Variants in PALS2 observed in about 807,000 individuals in gnomAD.
The protein encoded by PALS2 is protein PALS2.
A neutral mutation model predicts 61.6 loss-of-function variants in PALS2; 27 were observed. That is an observed-to-expected ratio of 0.44 (90% confidence interval 0.32 to 0.60). The LOEUF is 0.60. Among genes scored for constraint, PALS2 ranks in the 20% least tolerant of loss-of-function variants. PALS2 has a pLI of 0.05. For synonymous variants in PALS2, 236 were observed against 218.6 expected, an observed-to-expected ratio of 1.08 and a Z score of -0.70; for missense variants, 554 against 639.4, an observed-to-expected ratio of 0.87 and a Z score of 1.44.
At position 24,690,290 on chromosome 7, in the gene PALS2, C is replaced by G. The variant is rs1411900209; in HGVS notation, c.*2676C>G. ...AAACAGCCCCAGAGGTCCCAGGGTTCTTCCTAGGTAATGAGAGTATAGCTG... is the reference window on the plus strand; with the variant it reads ...AAACAGCCCCAGAGGTCCCAGGGTTGTTCCTAGGTAATGAGAGTATAGCTG... On this transcript the variant is annotated 3_prime_UTR_variant, in exon 12 of 12. Transcript: ENST00000222644. 3 of 152,204 alleles carry G rather than the reference C, an allele frequency of 2.0e-5. No individual in the cohort carries two copies. The highest frequency in any genetic ancestry group is 4.4e-5 in the Non-Finnish European group (3 of 68,040). The allele number at this position is 152,204 out of a possible 1,614,324, so 9.4% of individuals were successfully genotyped here. A position where few individuals can be genotyped will look rare whatever the true frequency, so the allele number is the denominator to read the frequency against.
intron 2 of PALS2, among the ~76,000 whole-genome samples, chr7:24,634,326 G>T (rs1435244285): frequency 1.3e-5 from 2 of 152,174 alleles, no homozygotes; most frequent in Admixed American, 1.3e-4. Context: ...TGCCTTCTGG[G>T]TTCATGCCAT....
intron 11 of PALS2, among the ~76,000 whole-genome samples, chr7:24,686,125 G>A (rs1212026784): frequency 6.6e-6 from 1 of 152,128 alleles, no homozygotes; most frequent in Non-Finnish European, 1.5e-5. Context: ...AAACCTAAGA[G>A]CAATTCTTGA....
chr7:24,651,599 G>A (rs79782972), intron 5 of PALS2, among the ~76,000 whole-genome samples: 10,402 of 152,190 alleles, frequency 0.068, 430 homozygotes, highest in African/African-American at 0.11. Flanking sequence ...AAATGGAACC[G>A]TAAAGAAAGA....
intron 1 of PALS2, among the ~76,000 whole-genome samples, chr7:24,588,916 C>G (rs938573569): frequency 3.9e-5 from 6 of 152,132 alleles, no homozygotes; most frequent in Non-Finnish European, 8.8e-5. Context: ...CTTATCCCAC[C>G]TCCATTTGAT....
chr7:24,619,341 GTGAT>G (rs997641631), intron 1 of PALS2, among the ~76,000 whole-genome samples: 2 of 152,138 alleles, frequency 1.3e-5, no homozygotes, highest in African/African-American at 4.8e-5. Context: ...GTTTTCATAA[GTGAT>G]TGGTGATTCA....
intron 2 of PALS2, among the ~76,000 whole-genome samples, chr7:24,626,623 C>T (rs978695291): frequency 6.6e-6 from 1 of 152,074 alleles, no homozygotes; most frequent in African/African-American, 2.4e-5. Flanking sequence ...CTGCTGTATT[C>T]AGGAGACACA....
chr7:24,669,244 A>G (rs1318940074), intron 9 of PALS2, among the ~76,000 whole-genome samples: 1 of 152,160 alleles, frequency 6.6e-6, no homozygotes, highest in Non-Finnish European at 1.5e-5. Flanking sequence ...TGAACCAAGC[A>G]CTCATTTTAT....
intron 1 of PALS2, among the ~76,000 whole-genome samples, chr7:24,594,956 A>G (rs1340560368): frequency 6.6e-6 from 1 of 152,162 alleles, no homozygotes; most frequent in African/African-American, 2.4e-5. Flanking sequence ...TGGCTTCAAT[A>G]GACTTGATCA....
chr7:24,645,722 A>C (rs1785798178), intron 3 of PALS2, among the ~76,000 whole-genome samples: 1 of 152,094 alleles, frequency 6.6e-6, no homozygotes, highest in Non-Finnish European at 1.5e-5. Context: ...TAGCCATTTT[A>C]ATAATATTGG....
At position 24,687,829 on chromosome 7, in the gene PALS2, TTGTA is replaced by T. The variant is rs149778153; in HGVS notation, c.*218_*221del. 1,214 of 387,650 alleles carry T rather than the reference TTGTA, an allele frequency of 3.1e-3. 11 individuals are homozygous for T. Among genetic ancestry groups the T allele is most frequent in the African/African-American group, 0.022 (1,079 of 48,076 alleles). 24.0% of individuals were successfully genotyped at this position (387,650 alleles called of 1,614,324 possible). ...ATAATTTATCTTAATTTTTCTAACT[TTGTA>T]TGGATAATCTTTCTATTCATATCAC... On this transcript the variant is annotated 3_prime_UTR_variant, in exon 12 of 12. Coordinates refer to ENST00000222644, the MANE Select transcript of PALS2 (RefSeq NM_001303037.2). The surrounding 1 kb of genome is among the most constrained non-coding windows in gnomAD (Gnocchi z 4.5).
At chr7:24,682,931 A>C (rs1788009354) in intron 11 of PALS2, among the ~76,000 whole-genome samples, 1 of 152,152 alleles carries the variant, frequency 6.6e-6, no homozygotes, top group South Asian at 2.1e-4. Flanking sequence ...TTGGTCAGAC[A>C]CAGATTCAGG....
At chr7:24,648,289 CTTTTTT>C (rs1265008724) in intron 3 of PALS2, among the ~76,000 whole-genome samples, 1 of 118,774 alleles carries the variant, frequency 8.4e-6, no homozygotes, top group African/African-American at 3.1e-5. Flanking sequence ...AAAAATTATT[CTTTTTT>C]TTTTTTTTTT....
rs1782527201 is a variant in PALS2 at position 24,573,562 on chromosome 7, CGGCGGCGCGGAGGCGGCTGA to C, written c.-31_-12del. 1 of 385,678 alleles carries C rather than the reference CGGCGGCGCGGAGGCGGCTGA, an allele frequency of 2.6e-6. No individual in the cohort carries two copies. Among genetic ancestry groups the C allele is most frequent in the East Asian group, 3.7e-5 (1 of 27,188 alleles). The allele number at this position is 385,678 out of a possible 1,614,324, so 23.9% of individuals were successfully genotyped here. Reference sequence around the variant, plus strand: ...GGGGAGCGACCGGGAGCGGCGGCAGCGGCGGCGCGGAGGCGGCTGAGGTGCGAGCCGGTGAGTTAACTGGA... The same window carrying C: ...GGGGAGCGACCGGGAGCGGCGGCAGCGGTGCGAGCCGGTGAGTTAACTGGA... On this transcript the variant is annotated 5_prime_UTR_variant, in exon 1 of 12. Transcript: ENST00000222644. The surrounding 1 kb of genome is among the most constrained non-coding windows in gnomAD (Gnocchi z 5.3).
Position 24,687,601 on chromosome 7 carries a change from G to A in PALS2, c.1610G>A (p.Ser537Asn), listed in dbSNP as rs142149525. 3 of 1,605,918 alleles carry A rather than the reference G, an allele frequency of 1.9e-6. No homozygotes were observed. The East Asian group carries it at 6.7e-5, about 36-fold the overall frequency. ...ATGGAACCACAGTGGGTCCCAATCA[G>A]CTGGGTTTACTGATGATTCAGTAAG... Reference protein sequence around the residue: ...LRMEPQWVPISWVY With the variant: ...LRMEPQWVPINWVY Residue 537 changes from serine to asparagine, a missense_variant, in exon 12 of 12, where the codon AGC (serine) becomes AAC (asparagine). Coordinates refer to ENST00000222644, the MANE Select transcript of PALS2 (RefSeq NM_001303037.2). The surrounding 1 kb of genome is among the most constrained non-coding windows in gnomAD (Gnocchi z 4.5).
intron 5 of PALS2, among the ~76,000 whole-genome samples, chr7:24,652,656 A>G (rs1450296305): frequency 2.0e-5 from 3 of 152,108 alleles, no homozygotes; most frequent in Non-Finnish European, 4.4e-5. Flanking sequence ...AAACCAGGGC[A>G]TCTGCAAACC....
rs377238053 is a variant in PALS2 at position 24,662,966 on chromosome 7, T to C, written c.652-624T>C. Among the ~76,000 whole-genome samples, 15 of 152,274 alleles carry C rather than the reference T, an allele frequency of 9.9e-5. 1 individual carries two copies. Among genetic ancestry groups the C allele is most frequent in the Admixed American group, 7.2e-4 (11 of 15,288 alleles). ...ATTAATAATGCAAATGTAAAAGAAA[T>C]GTGTATACACAAATGAATTTAAAAT... is the stretch of plus-strand genomic sequence containing the variant. On this transcript the variant is annotated intron_variant, in intron 5 of 11. Coordinates refer to ENST00000222644, the MANE Select transcript of PALS2 (RefSeq NM_001303037.2).
At chr7:24,677,192 G>A (rs950343360) in intron 9 of PALS2, among the ~76,000 whole-genome samples, 9 of 152,160 alleles carry the variant, frequency 5.9e-5, no homozygotes, top group African/African-American at 1.9e-4. Flanking sequence ...TGGTGTATAA[G>A]AATGCTTGTG....
intron 2 of PALS2, among the ~76,000 whole-genome samples, chr7:24,640,783 T>C (rs2711133): frequency 0.63 from 95,636 of 151,076 alleles, 32,770 homozygotes; most frequent in East Asian, 0.99. Context: ...CCGAGGCGGG[T>C]GGATCACGAG....
chr7:24,617,925 G>C (rs954590390), intron 1 of PALS2, among the ~76,000 whole-genome samples: 1 of 152,182 alleles, frequency 6.6e-6, no homozygotes, highest in Non-Finnish European at 1.5e-5. Context: ...GCAGCCACTC[G>C]GCCAGTCTAG....
Sources: allele counts gnomAD v4.1 joint callset (sites outside exome capture counted in the v4.1 genomes callset), GRCh38; gene constraint gnomAD v4.1.1; non-coding constraint Gnocchi (gnomAD v3.1); transcripts MANE v1.5; gene names NCBI Gene and HGNC (gene_info 2026-07-23, HGNC 2026-07-21).